ICA1L: variants seen among roughly 807,000 people sequenced by gnomAD.
ICA1L encodes the protein islet cell autoantigen 1-like protein.
ICA1L carries 50 observed loss-of-function variants against 61.3 expected under a neutral mutation model. The ratio of observed to expected loss-of-function variants is 0.82; its 90% CI spans 0.65 to 1.03. The LOEUF (loss-of-function observed/expected upper bound fraction) is 1.03. Ranked by LOEUF, ICA1L falls within the 50% of genes least tolerant of loss-of-function variation. The pLI is 0.00. For synonymous variants in ICA1L, 161 were observed against 191.3 expected, an observed-to-expected ratio of 0.84 and a Z score of 1.31; for missense variants, 508 against 556.7, an observed-to-expected ratio of 0.91 and a Z score of 0.88.
chr2:202,774,187 CACCAGGA>C lies in ICA1L; in HGVS notation c.*5339_*5345del, dbSNP rs1226304913. ...TGAGCGGCTTCTTGGAGAGCGGGCACACCAGGAACTCCAGCAGCGCCGGATCGAAGGC... is the reference window on the plus strand; with the variant it reads ...TGAGCGGCTTCTTGGAGAGCGGGCACACTCCAGCAGCGCCGGATCGAAGGC... On this transcript the variant is annotated 3_prime_UTR_variant, in exon 13 of 13. Transcript: ENST00000358299. The C allele has an allele frequency of 6.4e-7, 1 of 1,550,816 alleles. No individual in the cohort carries two copies. The highest frequency in any genetic ancestry group is 8.7e-7 in the Non-Finnish European group (1 of 1,146,482).
Position 202,779,470 on chromosome 2 carries a change from C to T in ICA1L, c.*63G>A. 1 of 986,682 alleles carries T rather than the reference C, an allele frequency of 1.0e-6. No homozygotes were observed. The highest frequency in any genetic ancestry group is 1.6e-6 in the Non-Finnish European group (1 of 638,574). The allele number at this position is 986,682 out of a possible 1,614,324, so 61.1% of individuals were successfully genotyped here. The stretch of plus-strand genomic sequence containing the variant: ...TGCGGGTTACAATCTAAATCCTTTC[C>T]ACGAAGGAAATACGTTGCAAAATTG... On this transcript the variant is annotated 3_prime_UTR_variant, in exon 13 of 13. Coordinates refer to ENST00000358299, the MANE Select transcript of ICA1L (RefSeq NM_001288622.3).
chr2:202,866,181 T>G (rs532592788), intron 1 of ICA1L, among the ~76,000 whole-genome samples: 1 of 152,160 alleles, frequency 6.6e-6, no homozygotes, highest in East Asian at 1.9e-4. Context: ...ATATTGGAGG[T>G]TGGGCCTTCT....
At chr2:202,824,519 G>A (rs1693782106) in intron 3 of ICA1L, among the ~76,000 whole-genome samples, 1 of 152,024 alleles carries the variant, frequency 6.6e-6, no homozygotes, top group African/African-American at 2.4e-5. Flanking sequence ...AGGGAAAGGG[G>A]TATTGTATTG....
chr2:202,805,500 G>A (rs898666007), intron 9 of ICA1L, among the ~76,000 whole-genome samples: 2 of 152,122 alleles, frequency 1.3e-5, no homozygotes, highest in Admixed American at 1.3e-4. Flanking sequence ...ACTTGAGCAG[G>A]CTGAGGCAGG....
Position 202,776,067 on chromosome 2 carries a change from A to G in ICA1L, c.*3466T>C, listed in dbSNP as rs1288172770. ...CGTTCTAATGCTGTAAGACCTCTAC[A>G]TTTCTAGATGGTCTATACAGATACG... On this transcript the variant is annotated 3_prime_UTR_variant, in exon 13 of 13. Transcript: ENST00000358299. 1 of 152,228 alleles carries G rather than the reference A, an allele frequency of 6.6e-6. No homozygotes were observed. Among genetic ancestry groups the G allele is most frequent in the Non-Finnish European group, 1.5e-5 (1 of 68,036 alleles). The allele number at this position is 152,228 out of a possible 1,614,324, so 9.4% of individuals were successfully genotyped here.
In ICA1L at chr2:202,774,308, G is replaced by A. The variant is rs1692148168; in HGVS notation, c.*5225C>T. 7 of 1,504,436 alleles carry A rather than the reference G, an allele frequency of 4.7e-6. No individual in the cohort carries two copies. Among genetic ancestry groups the A allele is most frequent in the Middle Eastern group, 2.1e-4 (1 of 4,820 alleles). 93.2% of individuals were successfully genotyped at this position (1,504,436 alleles called of 1,614,324 possible). ...GCACCTACGGGCGACCGCGGACGGC[G>A]GCGCGCGCGTTCCCCGCAGCGCTGA... On this transcript the variant is annotated 3_prime_UTR_variant, in exon 13 of 13. Transcript: ENST00000358299.
intron 1 of ICA1L, among the ~76,000 whole-genome samples, chr2:202,861,117 C>T (rs888305895): frequency 6.6e-6 from 1 of 152,116 alleles, no homozygotes; most frequent in Non-Finnish European, 1.5e-5. Flanking sequence ...GTAATCCCAG[C>T]TACTTGGGAG....
In ICA1L at chr2:202,774,496, A is replaced by G; in HGVS notation, c.*5037T>C. On this transcript the variant is annotated 3_prime_UTR_variant, in exon 13 of 13. Coordinates refer to ENST00000358299, the MANE Select transcript of ICA1L (RefSeq NM_001288622.3). Reference sequence around the variant, plus strand: ...TTTTTTGTATGTGTTTTTTTAGGTTATGGTCAGTGAGGTTTAGCCACAAGA... The same window carrying G: ...TTTTTTGTATGTGTTTTTTTAGGTTGTGGTCAGTGAGGTTTAGCCACAAGA... The G allele has an allele frequency of 2.2e-6, 1 of 454,080 alleles. No individual in the cohort carries two copies. Among genetic ancestry groups the G allele is most frequent in the Non-Finnish European group, 3.8e-6 (1 of 262,594 alleles). The allele number at this position is 454,080 out of a possible 1,614,324, so 28.1% of individuals were successfully genotyped here.
chr2:202,781,400 CCT>C (rs1323629718), intron 12 of ICA1L, among the ~76,000 whole-genome samples: 3 of 151,668 alleles, frequency 2.0e-5, no homozygotes, highest in Non-Finnish European at 2.9e-5. Context: ...TGGTGAAACC[CCT>C]GTCTCTACTT....
intron 9 of ICA1L, among the ~76,000 whole-genome samples, chr2:202,811,281 A>C (rs564895763): frequency 5.3e-5 from 8 of 152,256 alleles, no homozygotes; most frequent in Non-Finnish European, 1.0e-4. Flanking sequence ...GGGAAAATAG[A>C]AAAGAACCTA....
intron 1 of ICA1L, among the ~76,000 whole-genome samples, chr2:202,845,835 C>T (rs1321201361): frequency 6.6e-6 from 1 of 152,104 alleles, no homozygotes; most frequent in Non-Finnish European, 1.5e-5. Flanking sequence ...CACACTGAAG[C>T]ACTGAAATCC....
chr2:202,869,344 G>A (rs1235679986), intron 1 of ICA1L, among the ~76,000 whole-genome samples: 3 of 152,034 alleles, frequency 2.0e-5, no homozygotes, highest in Admixed American at 6.5e-5. Context: ...GCGACAGAGC[G>A]AGACTCTGTC....
chr2:202,850,028 C>A (rs767164970), intron 1 of ICA1L, among the ~76,000 whole-genome samples: 14 of 152,156 alleles, frequency 9.2e-5, no homozygotes, highest in Non-Finnish European at 1.6e-4. Context: ...AGACCTCCAG[C>A]AAACTGTAGC....
intron 11 of ICA1L, among the ~76,000 whole-genome samples, chr2:202,787,419 C>T (rs528982220): frequency 6.6e-6 from 1 of 152,302 alleles, no homozygotes; most frequent in East Asian, 1.9e-4. Context: ...TTTATAGCTA[C>T]TGAGCCATTG....
intron 1 of ICA1L, among the ~76,000 whole-genome samples, chr2:202,832,830 G>A (rs1694050963): frequency 6.6e-6 from 1 of 152,026 alleles, no homozygotes; most frequent in Admixed American, 6.6e-5. Context: ...AACTGAAGAT[G>A]GCAGAAGTCA....
intron 9 of ICA1L, among the ~76,000 whole-genome samples, 164 bp from the exon 10 acceptor site, chr2:202,797,128 A>G (rs1250170297): frequency 3.6e-5 from 2 of 55,786 alleles, no homozygotes; most frequent in East Asian, 7.2e-4. Context: ...TATAAAAATC[A>G]CATTTGTGTG....
chr2:202,818,140 T>C (rs1046837060), intron 5 of ICA1L, among the ~76,000 whole-genome samples: 1 of 152,056 alleles, frequency 6.6e-6, no homozygotes, highest in African/African-American at 2.4e-5. Flanking sequence ...CATCCTTGGG[T>C]AGGGAGGCAC....
chr2:202,865,875 G>A (rs1261708032), intron 1 of ICA1L, among the ~76,000 whole-genome samples: 3 of 152,028 alleles, frequency 2.0e-5, no homozygotes, highest in East Asian at 1.9e-4. Context: ...GATTCCCCTC[G>A]CCTAGACTTC....
At chr2:202,863,573 C>G (rs1053775653) in intron 1 of ICA1L, among the ~76,000 whole-genome samples, 2 of 151,752 alleles carry the variant, frequency 1.3e-5, no homozygotes, top group Admixed American at 6.6e-5. Flanking sequence ...GCCTGTAATC[C>G]CAGCACTTTG....
Sources: gnomAD v4.1 joint callset for allele counts (sites outside exome capture counted in the v4.1 genomes callset) on GRCh38, gnomAD v4.1.1 for gene constraint, MANE v1.5 for transcripts, NCBI Gene and HGNC (gene_info 2026-07-23, HGNC 2026-07-21) for gene names.